The following TSHZ3 variants were observed in gnomAD, a reference collection of about 807,000 sequenced individuals.
The protein encoded by TSHZ3 is teashirt homolog 3.
Under a neutral mutation model 64.5 loss-of-function variants are expected in TSHZ3, and 10 were observed. The observed-to-expected ratio is 0.16, with a 90% CI of 0.10 to 0.26. TSHZ3 has a LOEUF of 0.26. TSHZ3 is among the 10% of genes least tolerant of loss of function. The pLI is 1.00. For missense variants in TSHZ3, 1,242 were observed against 1,421.7 expected (o/e 0.87, Z 2.03); for synonymous variants, 608 against 593.1 (o/e 1.03, Z -0.36).
At chr19:31,215,267 T>A (rs917273210) in intron 4 of TSHZ3, among the ~76,000 whole-genome samples, 3 of 152,190 alleles carry the variant, frequency 2.0e-5, no homozygotes, top group Non-Finnish European at 2.9e-5. Flanking sequence ...GAAGTCAGAA[T>A]CATCTGTCAT....
intron 5 of TSHZ3, among the ~76,000 whole-genome samples, chr19:31,182,931 T>C (rs1370517369): frequency 1.3e-5 from 2 of 152,178 alleles, no homozygotes; most frequent in Non-Finnish European, 2.9e-5. Flanking sequence ...TAGATGAGAC[T>C]AACATTTAAA....
At position 31,254,504 on chromosome 19, in the gene TSHZ3, G is replaced by A. The variant is rs192770561; in HGVS notation, n.64-11629C>T. 1.5e-3 allele frequency among the ~76,000 whole-genome samples: 225 copies of A among 152,282 alleles called. 1 individual carries two copies. Among genetic ancestry groups the A allele is most frequent in the Non-Finnish European group, 1.9e-3 (131 of 68,028 alleles). On this transcript the variant is annotated intron_variant and non_coding_transcript_variant, in intron 1 of 6. Coordinates refer to the TSHZ3 transcript ENST00000651361. Reference sequence around the variant, plus strand: ...TGAAATATAAAACACGCTGTGGCTCGCCCTCTCTGAGAGTGCACTGGCTTT... The same window carrying A: ...TGAAATATAAAACACGCTGTGGCTCACCCTCTCTGAGAGTGCACTGGCTTT...
At chr19:31,343,061 C>G (rs1727502706) in intron 1 of TSHZ3, among the ~76,000 whole-genome samples, 1 of 152,160 alleles carries the variant, frequency 6.6e-6, no homozygotes, top group African/African-American at 2.4e-5. Context: ...CTTTACAATC[C>G]TTTATTCTCT....
chr19:31,258,944 A>C (rs1975949834), intron 1 of TSHZ3, among the ~76,000 whole-genome samples: 1 of 152,150 alleles, frequency 6.6e-6, no homozygotes. Context: ...CAGGTCTGGG[A>C]TCCATGCCCC....
At chr19:31,305,994 C>T (rs1163458505) in intron 1 of TSHZ3, among the ~76,000 whole-genome samples, 2 of 152,132 alleles carry the variant, frequency 1.3e-5, no homozygotes, top group African/African-American at 4.8e-5. Flanking sequence ...CCAGCATGAT[C>T]ACAGATTTGT....
intron 5 of TSHZ3, among the ~76,000 whole-genome samples, chr19:31,174,632 T>A (rs1974582893): frequency 6.6e-6 from 1 of 152,254 alleles, no homozygotes; most frequent in Admixed American, 6.5e-5. Context: ...TGGGTTTGTC[T>A]TCTCTGTGAG....
At chr19:31,244,630 G>A (rs895718920) in intron 1 of TSHZ3, among the ~76,000 whole-genome samples, 4 of 152,036 alleles carry the variant, frequency 2.6e-5, no homozygotes, top group Non-Finnish European at 5.9e-5. Context: ...ATATGTATAC[G>A]GTCATTCAAA....
chr19:31,263,814 C>T (rs1206570292), intron 1 of TSHZ3, among the ~76,000 whole-genome samples: 1 of 152,146 alleles, frequency 6.6e-6, no homozygotes, highest in Admixed American at 6.5e-5. Context: ...GGGTAATAAC[C>T]ACATAAATAA....
intron 1 of TSHZ3, among the ~76,000 whole-genome samples, chr19:31,302,719 G>A (rs578135382): frequency 1.3e-5 from 2 of 152,256 alleles, no homozygotes; most frequent in East Asian, 1.9e-4. Flanking sequence ...ATCAGAGTGT[G>A]TAGGTTAAAA....
At chr19:31,155,837 T>G (rs1974299980) in intron 6 of TSHZ3, among the ~76,000 whole-genome samples, 1 of 152,222 alleles carries the variant, frequency 6.6e-6, no homozygotes, top group African/African-American at 2.4e-5. Context: ...ACCGATCTAA[T>G]GGCCTCAGAG....
rs528031875 is a variant in TSHZ3 at position 31,292,886 on chromosome 19, C to A, written c.41-13134G>T. Among the ~76,000 whole-genome samples, 3 of 151,822 alleles carry A rather than the reference C, an allele frequency of 2.0e-5. No individual in the cohort carries two copies. The East Asian group carries it at 5.8e-4, about 30-fold the overall frequency. ...TCTAGCCATCCCAAACCCATCCATTCAAAAACTCATCCATCCATCCACCCA... is the reference window on the plus strand; with the variant it reads ...TCTAGCCATCCCAAACCCATCCATTAAAAAACTCATCCATCCATCCACCCA... On this transcript the variant is annotated intron_variant, in intron 1 of 1. Transcript: ENST00000240587.
At chr19:31,349,080 C>A in intron 1 of TSHZ3, 100 bp downstream of exon 1, 1 of 1,444,308 alleles carries the variant, frequency 6.9e-7, no homozygotes, top group Admixed American at 2.1e-5. Flanking sequence ...TCAGTGCGGG[C>A]AGAAGAGCGG....
intron 1 of TSHZ3, among the ~76,000 whole-genome samples, chr19:31,268,392 G>A (rs1213601832): frequency 1.3e-5 from 2 of 152,138 alleles, no homozygotes; most frequent in African/African-American, 4.8e-5. Flanking sequence ...TAGTCTCACT[G>A]AAACACAAGA....
At chr19:31,208,423 C>A (rs1480804475) in intron 4 of TSHZ3, among the ~76,000 whole-genome samples, 1 of 152,140 alleles carries the variant, frequency 6.6e-6, no homozygotes, top group African/African-American at 2.4e-5. Flanking sequence ...TGTCTGTTGG[C>A]AAGAAGGGCT....
intron 5 of TSHZ3, among the ~76,000 whole-genome samples, chr19:31,158,731 T>C (rs1199008116): frequency 6.6e-6 from 1 of 152,154 alleles, no homozygotes; most frequent in African/African-American, 2.4e-5. Context: ...TTCTTGCAAC[T>C]AGGTGGCCCC....
At chr19:31,349,491 A>AGAGGAGGAG (rs1175696457), upstream of TSHZ3, 1 of 344,700 alleles carries the variant, frequency 2.9e-6, no homozygotes, top group Non-Finnish European at 5.2e-6. Context: ...AGGAGGAGGC[A>AGAGGAGGAG]GAGGAGGAGG....
intron 5 of TSHZ3, among the ~76,000 whole-genome samples, chr19:31,163,992 G>T (rs116432472): frequency 0.025 from 3,873 of 152,290 alleles, 153 homozygotes; most frequent in African/African-American, 0.087. Flanking sequence ...AAGCTGAGGT[G>T]CAGAGAAGCT....
At chr19:31,246,059 C>T (rs1048521840) in intron 1 of TSHZ3, among the ~76,000 whole-genome samples, 1 of 152,138 alleles carries the variant, frequency 6.6e-6, no homozygotes, top group African/African-American at 2.4e-5. Context: ...TATTGTTCAG[C>T]ATCTCGAGTT....
chr19:31,226,516 G>A (rs1975463979), intron 4 of TSHZ3, among the ~76,000 whole-genome samples: 1 of 152,182 alleles, frequency 6.6e-6, no homozygotes, highest in Non-Finnish European at 1.5e-5. Flanking sequence ...ACATGGAACT[G>A]TGAATCCATT....
Sources: gnomAD v4.1 joint callset for allele counts (sites outside exome capture counted in the v4.1 genomes callset) on GRCh38, gnomAD v4.1.1 for gene constraint, MANE v1.5 for transcripts, NCBI Gene and HGNC (gene_info 2026-07-23, HGNC 2026-07-21) for gene names.